Variants in RAPGEF4 observed in about 807,000 individuals in gnomAD.
RAPGEF4 encodes Rap guanine nucleotide exchange factor 4.
A neutral mutation model predicts 147.9 loss-of-function variants in RAPGEF4; 66 were observed. That is an observed-to-expected ratio of 0.45 (90% CI 0.37 to 0.55). The LOEUF (loss-of-function observed/expected upper bound fraction) is 0.55. RAPGEF4 is among the 20% of genes least tolerant of loss of function. The pLI, the probability that RAPGEF4 is intolerant of heterozygous loss-of-function variation, is 0.00. For missense variants in RAPGEF4, 1,071 were observed against 1,257.3 expected, an observed-to-expected ratio of 0.85 and a Z score of 2.24; for synonymous variants, 419 against 442.7, an observed-to-expected ratio of 0.95 and a Z score of 0.67.
At chr2:173,014,329 T>C in intron 17 of RAPGEF4, 135 bp from the exon 18 acceptor site, 1 of 1,085,438 alleles carries the variant, frequency 9.2e-7, no homozygotes, top group Middle Eastern at 2.0e-4. Flanking sequence ...GGGTTTTTCA[T>C]GAGGGCCTAG....
At chr2:172,855,442 G>T (rs917674659) in intron 4 of RAPGEF4, among the ~76,000 whole-genome samples, 1 of 152,092 alleles carries the variant, frequency 6.6e-6, no homozygotes, top group African/African-American at 2.4e-5. Context: ...TGTAATACAA[G>T]TAATATTTTT....
chr2:172,991,572 T>A (rs1402441544), intron 15 of RAPGEF4, among the ~76,000 whole-genome samples: 1 of 152,182 alleles, frequency 6.6e-6, no homozygotes, highest in Non-Finnish European at 1.5e-5. Flanking sequence ...GTACCAACAT[T>A]TGAGTGGTAA....
chr2:172,744,311 G>A (rs530136255), intron 1 of RAPGEF4: 7 of 418,124 alleles, frequency 1.7e-5, no homozygotes, highest in South Asian at 8.8e-5. Flanking sequence ...TTCAAATTCT[G>A]TCACCTCTAC....
intron 29 of RAPGEF4, among the ~76,000 whole-genome samples, chr2:173,045,915 G>A (rs1685412846): frequency 6.6e-6 from 1 of 152,212 alleles, no homozygotes; most frequent in Admixed American, 6.5e-5. Flanking sequence ...GTTGGGTGTA[G>A]TTGTCAGTAA....
chr2:172,840,280 A>G (rs951968180), intron 4 of RAPGEF4, among the ~76,000 whole-genome samples: 1 of 152,152 alleles, frequency 6.6e-6, no homozygotes, highest in Non-Finnish European at 1.5e-5. Context: ...TTAAAGAAAC[A>G]TTTTCCTCCA....
chr2:173,030,613 G>T (rs1042297193), intron 26 of RAPGEF4, among the ~76,000 whole-genome samples: 1 of 152,164 alleles, frequency 6.6e-6, no homozygotes, highest in Non-Finnish European at 1.5e-5. Context: ...TCTGCTTGTT[G>T]CTTTTGCCAT....
Position 172,996,562 on chromosome 2 carries a change from C to A in RAPGEF4, c.1579+8C>A, listed in dbSNP as rs771568100. 2 of 1,530,702 alleles carry A rather than the reference C, an allele frequency of 1.3e-6. No individual in the cohort carries two copies. Among genetic ancestry groups the A allele is most frequent in the African/African-American group, 1.4e-5 (1 of 70,530 alleles). The allele number at this position is 1,530,702 out of a possible 1,614,324, so 94.8% of individuals were successfully genotyped here. On this transcript the variant is annotated splice_region_variant and intron_variant, in intron 16 of 30. Transcript: ENST00000397081. ...CTTTAAATGAAGCAACAGGTATACA[C>A]ATAGAACCGTTTGCATGTCCATTAA...
At chr2:172,931,901 T>A (rs1282570375) in intron 6 of RAPGEF4, among the ~76,000 whole-genome samples, 2 of 152,146 alleles carry the variant, frequency 1.3e-5, no homozygotes, top group African/African-American at 2.4e-5. Context: ...CATTCAATAA[T>A]ATAGTCTCTT....
chr2:172,858,714 G>A (rs2149767399), intron 4 of RAPGEF4, among the ~76,000 whole-genome samples: 1 of 152,348 alleles, frequency 6.6e-6, no homozygotes, highest in Middle Eastern at 3.4e-3. Context: ...GAGCAGTTAA[G>A]TATAACCAAG....
At chr2:172,783,738 G>A (rs1684908067) in intron 1 of RAPGEF4, among the ~76,000 whole-genome samples, 1 of 151,466 alleles carries the variant, frequency 6.6e-6, no homozygotes, top group Non-Finnish European at 1.5e-5. Flanking sequence ...ATGTATATGG[G>A]TATCTGTGTG....
In RAPGEF4 at chr2:173,042,831, G is replaced by A. The variant is rs1201133668; in HGVS notation, c.2854-5769G>A. On this transcript the variant is annotated intron_variant, in intron 29 of 30. Transcript: ENST00000397081. The surrounding 1 kb of genome is among the most constrained non-coding windows in gnomAD (Gnocchi z 4.2). ...TACATGCTCTACACGTGCCTGGAAA[G>A]GCACCTGAACTGTCTTCTCCCATGG... Among the ~76,000 whole-genome samples the A allele has an allele frequency of 1.3e-5, 2 of 152,190 alleles. No homozygotes were observed. The highest frequency in any genetic ancestry group is 2.9e-5 in the Non-Finnish European group (2 of 68,028).
intron 4 of RAPGEF4, among the ~76,000 whole-genome samples, chr2:172,885,071 C>T (rs1163048596): frequency 6.6e-6 from 1 of 152,232 alleles, no homozygotes; most frequent in Admixed American, 6.5e-5. Flanking sequence ...GGGTTTTCTT[C>T]AATGCTGGGG....
chr2:173,046,900 T>C (rs1304851909), intron 29 of RAPGEF4, among the ~76,000 whole-genome samples: 3 of 152,210 alleles, frequency 2.0e-5, no homozygotes, highest in Non-Finnish European at 4.4e-5. Context: ...GCAGATAATA[T>C]ATTTGTAAGG....
At chr2:172,745,554 G>A (rs1694690602) in intron 1 of RAPGEF4, among the ~76,000 whole-genome samples, 1 of 151,364 alleles carries the variant, frequency 6.6e-6, no homozygotes. Flanking sequence ...GAAATTTATT[G>A]ATTTTTGCTC....
intron 4 of RAPGEF4, among the ~76,000 whole-genome samples, chr2:172,833,148 G>C (rs1559065681): frequency 6.7e-6 from 1 of 149,762 alleles, no homozygotes; most frequent in Non-Finnish European, 1.5e-5. Flanking sequence ...AGGTTGCAAT[G>C]AGCCGAGATC....
chr2:172,988,583 A>G, intron 13 of RAPGEF4, 110 bp from the exon 14 acceptor site: 1 of 1,291,786 alleles, frequency 7.7e-7, no homozygotes, highest in Non-Finnish European at 1.1e-6. Context: ...CGCTAGGTAC[A>G]GCCCATTTAT....
At chr2:173,025,274 A>G (rs986425325) in intron 23 of RAPGEF4, among the ~76,000 whole-genome samples, 1 of 152,198 alleles carries the variant, frequency 6.6e-6, no homozygotes, top group Admixed American at 6.5e-5. Context: ...TCCAAATGCA[A>G]GCACCGTCTA....
chr2:172,901,527 A>T (rs943638521), intron 4 of RAPGEF4, among the ~76,000 whole-genome samples: 1 of 152,252 alleles, frequency 6.6e-6, no homozygotes, highest in East Asian at 1.9e-4. Flanking sequence ...TCTTTCAAGC[A>T]TCTGTTTTTT....
At chr2:172,960,993 A>C (rs922192410) in intron 7 of RAPGEF4, 129 bp from the exon 8 acceptor site, 2 of 854,652 alleles carry the variant, frequency 2.3e-6, no homozygotes, top group Non-Finnish European at 3.8e-6. Context: ...TGAACAAAGT[A>C]AAGCACTGAG....
Sources: allele counts gnomAD v4.1 joint callset (sites outside exome capture counted in the v4.1 genomes callset), GRCh38; gene constraint gnomAD v4.1.1; non-coding constraint Gnocchi (gnomAD v3.1); transcripts MANE v1.5; gene names NCBI Gene and HGNC (gene_info 2026-07-23, HGNC 2026-07-21).